TMC1: variants seen among roughly 807,000 people sequenced by gnomAD.
The protein encoded by TMC1 is transmembrane channel like 1.
Under a neutral mutation model 105.8 loss-of-function variants are expected in TMC1, and 84 were observed. The ratio of observed to expected loss-of-function variants is 0.79; its 90% CI spans 0.67 to 0.95. The LOEUF is 0.95. TMC1 is among the 40% of genes least tolerant of loss of function. The pLI is 0.00. For synonymous variants in TMC1, 315 were observed against 311.5 expected (o/e 1.01, Z -0.12); for missense variants, 817 against 914.1 (o/e 0.89, Z 1.37).
intron 1 of TMC1, among the ~76,000 whole-genome samples, chr9:72,527,963 T>G (rs555195453): frequency 6.6e-6 from 1 of 152,184 alleles, no homozygotes; most frequent in Non-Finnish European, 1.5e-5. Flanking sequence ...CTTGCGATAC[T>G]TCCCCCCTCC....
chr9:72,648,128 A>G (rs1385474712), intron 4 of TMC1, among the ~76,000 whole-genome samples: 1 of 152,242 alleles, frequency 6.6e-6, no homozygotes, highest in African/African-American at 2.4e-5. Flanking sequence ...TGAATGTGCT[A>G]TAGCTTTGCT....
At chr9:72,804,726 G>A (rs947361198) in intron 17 of TMC1, among the ~76,000 whole-genome samples, 9 of 152,176 alleles carry the variant, frequency 5.9e-5, no homozygotes, top group South Asian at 2.1e-4. Context: ...CGTTGTGCCC[G>A]GTTTAACTTC....
At chr9:72,769,963 A>G (rs1480057156) in intron 12 of TMC1, among the ~76,000 whole-genome samples, 1 of 152,182 alleles carries the variant, frequency 6.6e-6, no homozygotes, top group Non-Finnish European at 1.5e-5. Flanking sequence ...AAGGTTTAAG[A>G]CATGATAGAA....
chr9:72,692,861 G>A (rs1333823656), intron 6 of TMC1, among the ~76,000 whole-genome samples: 1 of 152,122 alleles, frequency 6.6e-6, no homozygotes, highest in African/African-American at 2.4e-5. Flanking sequence ...CCTCACACCT[G>A]TAATCCCAGC....
intron 10 of TMC1, among the ~76,000 whole-genome samples, chr9:72,748,383 G>A (rs1827527456): frequency 6.6e-6 from 1 of 152,166 alleles, no homozygotes; most frequent in Non-Finnish European, 1.5e-5. Flanking sequence ...TTTTGATTCA[G>A]TCAACAACTG....
chr9:72,617,388 C>T (rs1186728631), intron 3 of TMC1, among the ~76,000 whole-genome samples: 1 of 152,066 alleles, frequency 6.6e-6, no homozygotes, highest in African/African-American at 2.4e-5. Context: ...GGTCTTGATC[C>T]TGACCTCAAG....
In TMC1 at chr9:72,760,447, T is replaced by C. The variant is rs573439186; in HGVS notation, c.741+5563T>C. Among the ~76,000 whole-genome samples the C allele has an allele frequency of 2.2e-4, 34 of 152,164 alleles. 1 individual carries two copies. The East Asian group carries it at 5.2e-3, about 23-fold the overall frequency. On this transcript the variant is annotated intron_variant, in intron 12 of 23. Coordinates refer to ENST00000297784, the MANE Select transcript of TMC1 (RefSeq NM_138691.3). ...AAGCCCAGGGGTGCCAAAGCAGGCA[T>C]CCCTGGGCTTTTGAAAAATGCCATT...
At chr9:72,712,565 GTTTA>G (rs1310605816) in intron 8 of TMC1, among the ~76,000 whole-genome samples, 3 of 152,084 alleles carry the variant, frequency 2.0e-5, no homozygotes, top group African/African-American at 7.2e-5. Context: ...TTGGCTCTCT[GTTTA>G]TCTGTTTTTG....
intron 2 of TMC1, among the ~76,000 whole-genome samples, chr9:72,582,149 G>T (rs550245889): frequency 2.6e-5 from 4 of 152,194 alleles, no homozygotes; most frequent in East Asian, 1.9e-4. Context: ...TGGAGATGGG[G>T]TTTCTCCATC....
chr9:72,785,776 C>T (rs1021360391), intron 13 of TMC1, among the ~76,000 whole-genome samples: 3 of 152,186 alleles, frequency 2.0e-5, no homozygotes, highest in African/African-American at 7.2e-5. Context: ...AAACTTAAAA[C>T]ATGAATTGTT....
At chr9:72,817,749 A>G (rs1472146233) in intron 19 of TMC1, among the ~76,000 whole-genome samples, 1 of 152,208 alleles carries the variant, frequency 6.6e-6, no homozygotes, top group East Asian at 1.9e-4. Flanking sequence ...CAACTATGTT[A>G]GTCCACTATT....
At position 72,832,451 on chromosome 9, in the gene TMC1, C is replaced by T. The variant is rs114205156; in HGVS notation, c.2260+1769C>T. 3.7e-3 allele frequency among the ~76,000 whole-genome samples: 568 copies of T among 152,270 alleles called. 4 individuals carry two copies. The highest frequency in any genetic ancestry group is 0.013 in the African/African-American group (543 of 41,552). On this transcript the variant is annotated intron_variant, in intron 23 of 23. Coordinates refer to ENST00000297784, the MANE Select transcript of TMC1 (RefSeq NM_138691.3). Reference sequence around the variant, plus strand: ...TCAACCTCTCCTCCTTTCAGATTGGCCCCATATGGGTCATGTATCCATCCT... The same window carrying T: ...TCAACCTCTCCTCCTTTCAGATTGGTCCCATATGGGTCATGTATCCATCCT...
intron 1 of TMC1, among the ~76,000 whole-genome samples, chr9:72,529,801 C>A (rs1823468098): frequency 1.3e-5 from 2 of 151,888 alleles, no homozygotes; most frequent in South Asian, 4.1e-4. Flanking sequence ...CATTTAGAAT[C>A]AAATTATGAG....
intron 5 of TMC1, among the ~76,000 whole-genome samples, chr9:72,670,414 G>T (rs1200171807): frequency 6.6e-6 from 1 of 152,038 alleles, no homozygotes; most frequent in African/African-American, 2.4e-5. Flanking sequence ...CTGTTTCCAG[G>T]TAACTTAAAT....
At chr9:72,577,052 AT>A (rs960622699) in intron 1 of TMC1, among the ~76,000 whole-genome samples, 50 of 150,280 alleles carry the variant, frequency 3.3e-4, no homozygotes, top group African/African-American at 1.1e-3. Flanking sequence ...AATGTTTGCT[AT>A]TTTTTTTTAA....
intron 15 of TMC1, among the ~76,000 whole-genome samples, chr9:72,790,298 T>C (rs2118185200): frequency 6.6e-6 from 1 of 152,270 alleles, no homozygotes. Context: ...ATAATCTACT[T>C]ACAGAAAAAG....
chr9:72,695,608 C>A lies in TMC1; in HGVS notation c.236+894C>A, dbSNP rs559521879. Among the ~76,000 whole-genome samples the A allele has an allele frequency of 1.1e-4, 16 of 152,246 alleles. 1 individual carries two copies. In the East Asian group the frequency reaches 3.1e-3, roughly 29 times the overall value. The stretch of plus-strand genomic sequence containing the variant: ...TCCTAGGACTTTGAAGCATGAGGAA[C>A]TTTCTAAGATGTCCTCCCAAGATGA... On this transcript the variant is annotated intron_variant, in intron 7 of 23. Coordinates refer to ENST00000297784, the MANE Select transcript of TMC1 (RefSeq NM_138691.3).
intron 8 of TMC1, among the ~76,000 whole-genome samples, chr9:72,714,743 T>C (rs894272775): frequency 1.6e-4 from 24 of 152,250 alleles, no homozygotes; most frequent in African/African-American, 5.8e-4. Flanking sequence ...TGTCTTTTAA[T>C]TGGGGCATTT....
chr9:72,532,434 A>G (rs1045518080), intron 1 of TMC1, among the ~76,000 whole-genome samples: 1 of 151,544 alleles, frequency 6.6e-6, no homozygotes, highest in Non-Finnish European at 1.5e-5. Context: ...CCAGCTACTC[A>G]GGAGGCTGAG....
Sources: gnomAD v4.1 joint callset for allele counts (sites outside exome capture counted in the v4.1 genomes callset) on GRCh38, gnomAD v4.1.1 for gene constraint, MANE v1.5 for transcripts, NCBI Gene and HGNC (gene_info 2026-07-23, HGNC 2026-07-21) for gene names.